The following IGFL2 variants were observed in gnomAD, a reference collection of about 807,000 sequenced individuals.
IGFL2 encodes insulin growth factor-like family member 2.
IGFL2 carries 7 observed loss-of-function variants against 13.9 expected under a neutral mutation model. The observed-to-expected ratio is 0.51, with a 90% CI of 0.29 to 0.95. The LOEUF (loss-of-function observed/expected upper bound fraction) is 0.95. IGFL2 is among the 40% of genes least tolerant of loss of function. The probability of loss-of-function intolerance (pLI) is 0.08; values close to 1 mark genes in which losing one functional copy is unlikely to be tolerated. For synonymous variants in IGFL2, 55 were observed against 55.8 expected (o/e 0.99, Z 0.07); for missense variants, 138 against 147.8 (o/e 0.93, Z 0.34).
At chr19:46,087,325 G>A in the IGFL2 span, among the ~76,000 whole-genome samples, 2 of 152,194 alleles carry the variant, frequency 1.3e-5, no homozygotes, top group Non-Finnish European at 2.9e-5. Flanking sequence ...TGCTGGCTGT[G>A]GTGGTAGTGG....
chr19:46,105,353 G>C, the IGFL2 span, among the ~76,000 whole-genome samples: 1 of 152,174 alleles, frequency 6.6e-6, no homozygotes, highest in Non-Finnish European at 1.5e-5. Context: ...CAGAGCAGTA[G>C]CCTCAATGAT....
chr19:46,085,534 G>T, the IGFL2 span, among the ~76,000 whole-genome samples: 3 of 152,114 alleles, frequency 2.0e-5, no homozygotes, highest in East Asian at 1.9e-4. Flanking sequence ...TTTGAGATGG[G>T]TCTCTTGAAT....
chr19:46,128,300 T>G, the IGFL2 span, among the ~76,000 whole-genome samples: 1 of 152,202 alleles, frequency 6.6e-6, no homozygotes, highest in Non-Finnish European at 1.5e-5. Context: ...CAGGGATAGT[T>G]TGATGTACTC....
At chr19:46,135,769 C>T in the IGFL2 span, among the ~76,000 whole-genome samples, 30 of 152,326 alleles carry the variant, frequency 2.0e-4, no homozygotes, top group East Asian at 7.7e-4. Context: ...CTCCTGACTC[C>T]GTATCTCTTT....
chr19:46,092,344 T>G, the IGFL2 span, among the ~76,000 whole-genome samples: 1 of 151,958 alleles, frequency 6.6e-6, no homozygotes, highest in Non-Finnish European at 1.5e-5. Context: ...AAATTTTTTT[T>G]TTTTGGCCAG....
intron 1 of IGFL2, chr19:46,159,282 T>C (rs895637907): frequency 1.3e-5 from 2 of 152,160 alleles, no homozygotes; most frequent in Non-Finnish European, 2.9e-5. Flanking sequence ...CTGGGAAATA[T>C]AGAATTAGAA....
At chr19:46,135,472 C>T in the IGFL2 span, among the ~76,000 whole-genome samples, 1 of 152,076 alleles carries the variant, frequency 6.6e-6, no homozygotes. Context: ...CCATCCGAAC[C>T]ATCCCCTTTA....
At chr19:46,204,654 C>T in the IGFL2 span, among the ~76,000 whole-genome samples, 3 of 152,258 alleles carry the variant, frequency 2.0e-5, no homozygotes, top group South Asian at 2.1e-4. Flanking sequence ...GCGGCTGCTT[C>T]GGGAATTTTG....
the IGFL2 span, among the ~76,000 whole-genome samples, chr19:46,100,360 G>T: frequency 1.3e-5 from 2 of 152,104 alleles, no homozygotes; most frequent in Non-Finnish European, 2.9e-5. Context: ...GGATGCACCC[G>T]GGAAACAGGT....
intron 1 of IGFL2, among the ~76,000 whole-genome samples, chr19:46,157,363 A>G (rs1008411775): frequency 3.3e-5 from 5 of 152,180 alleles, no homozygotes; most frequent in African/African-American, 1.2e-4. Context: ...AATATCCTTC[A>G]TGCAAAAATC....
At chr19:46,166,716 G>A in the IGFL2 span, among the ~76,000 whole-genome samples, 57 of 152,234 alleles carry the variant, frequency 3.7e-4, no homozygotes, top group African/African-American at 1.3e-3. Context: ...CCCTAGGTGC[G>A]CATTCTCTTT....
At chr19:46,155,235 G>C (rs1190868886) in intron 1 of IGFL2, among the ~76,000 whole-genome samples, 1 of 152,212 alleles carries the variant, frequency 6.6e-6, no homozygotes, top group Non-Finnish European at 1.5e-5. Context: ...TAGCACATCC[G>C]CAACATGGAG....
the IGFL2 span, chr19:46,209,629 A>C: frequency 6.6e-6 from 1 of 152,174 alleles, no homozygotes; most frequent in East Asian, 1.9e-4. Flanking sequence ...CACACACACA[A>C]AAAGCGAAAG....
the IGFL2 span, among the ~76,000 whole-genome samples, chr19:46,120,578 A>G: frequency 6.0e-5 from 9 of 150,868 alleles, no homozygotes; most frequent in East Asian, 2.0e-4. Flanking sequence ...CCCAATAACA[A>G]AGAATTCCTC....
chr19:46,145,596 A>ATGTGTGTGTGTGTG (rs1287833769), upstream of IGFL2, among the ~76,000 whole-genome samples: 3 of 58,610 alleles, frequency 5.1e-5, no homozygotes, highest in African/African-American at 1.8e-4. Flanking sequence ...ACACACTCAT[A>ATGTGTGTGTGTGTG]TATATGTGTG....
chr19:46,193,623 AT>A, the IGFL2 span, among the ~76,000 whole-genome samples: 2,093 of 152,322 alleles, frequency 0.014, 51 homozygotes, highest in African/African-American at 0.046. Context: ...TATGGTAAGA[AT>A]GAATCTGCTG....
At position 46,160,746 on chromosome 19, in the gene IGFL2, C is replaced by A. The variant is rs770745427; in HGVS notation, c.206C>A (p.Pro69His). 2.5e-6 allele frequency: 4 copies of A among 1,614,184 alleles called. No individual in the cohort carries two copies. Among genetic ancestry groups the A allele is most frequent in the South Asian group, 1.1e-5 (1 of 91,086 alleles). The change falls in exon 3 of 4, where the codon CCC becomes CAC. Residue 69 changes from proline to histidine, a missense_variant. Transcript: ENST00000377693. ...AGCGAGACCCGCCAATGTGGTCCCC[C>A]CTGCACCTTCTGGCCCTGCTTTGAG... The part of the protein sequence containing the change: ...SLSETRQCGP[P>H]CTFWPCFELC...
At chr19:46,110,970 CAT>C in the IGFL2 span, 2 of 152,014 alleles carry the variant, frequency 1.3e-5, no homozygotes, top group Admixed American at 6.5e-5. Context: ...AATATGGTGA[CAT>C]GTTTCTTTAT....
At chr19:46,212,222 TC>T in the IGFL2 span, 2 of 152,196 alleles carry the variant, frequency 1.3e-5, no homozygotes, top group South Asian at 4.1e-4. Context: ...GGTCTGCTCT[TC>T]CCCTGGGGAA....
Sources: allele counts gnomAD v4.1 joint callset (sites outside exome capture counted in the v4.1 genomes callset), GRCh38; gene constraint gnomAD v4.1.1; transcripts MANE v1.5; gene names NCBI Gene and HGNC (gene_info 2026-07-23, HGNC 2026-07-21).